SEZ6L: variants seen among roughly 807,000 people sequenced by gnomAD.
SEZ6L encodes seizure related 6 homolog like.
A neutral mutation model predicts 106.2 loss-of-function variants in SEZ6L; 37 were observed. That is an observed-to-expected ratio of 0.35 (90% CI 0.27 to 0.46). The LOEUF (loss-of-function observed/expected upper bound fraction) is 0.46, where lower values mean the gene tolerates loss of function less well. Among genes scored for constraint, SEZ6L ranks in the 20% least tolerant of loss-of-function variants. SEZ6L has a pLI of 1.00. For synonymous variants in SEZ6L, 541 were observed against 570.4 expected (o/e 0.95, Z 0.73); for missense variants, 1,172 against 1,332.8 (o/e 0.88, Z 1.88).
chr22:26,282,852 G>C lies in SEZ6L; in HGVS notation c.95-9554G>C, dbSNP rs963434859. ...AGGGTAAATAGGTTCAGATTATTCTGAAGGTGATTTTTTTTCTATGTCAAT... is the reference window on the plus strand; with the variant it reads ...AGGGTAAATAGGTTCAGATTATTCTCAAGGTGATTTTTTTTCTATGTCAAT... On this transcript the variant is annotated intron_variant, in intron 1 of 16. Coordinates refer to ENST00000248933, the MANE Select transcript of SEZ6L (RefSeq NM_021115.5). Among the ~76,000 whole-genome samples the C allele has an allele frequency of 2.0e-5, 3 of 152,172 alleles. No homozygotes were observed. The East Asian group carries it at 5.8e-4, about 29-fold the overall frequency.
At chr22:26,269,225 G>A (rs991410391) in intron 1 of SEZ6L, among the ~76,000 whole-genome samples, 3 of 152,168 alleles carry the variant, frequency 2.0e-5, no homozygotes, top group African/African-American at 7.2e-5. Flanking sequence ...GGAGTCCTTG[G>A]TAAGTGTGCG....
chr22:26,336,366 C>T (rs1229873888), intron 9 of SEZ6L, among the ~76,000 whole-genome samples: 9 of 152,174 alleles, frequency 5.9e-5, no homozygotes, highest in Non-Finnish European at 1.2e-4. Flanking sequence ...GTGAAACCTG[C>T]TCATCAATCC....
Position 26,350,948 on chromosome 22 carries a change from A to G in SEZ6L, c.2408-104A>G, listed in dbSNP as rs556568627. ...TGGGACTACAGGCGTGAGCCACCGC[A>G]CCCGGCCAAGTTAGGAAACTTTCTA... On this transcript the variant is annotated intron_variant, in intron 11 of 16. Transcript: ENST00000248933. 1,515 of 1,255,974 alleles carry G rather than the reference A, an allele frequency of 1.2e-3. 4 individuals carry two copies. The highest frequency in any genetic ancestry group is 1.4e-3 in the Non-Finnish European group (1,306 of 907,962). 77.8% of individuals were successfully genotyped at this position (1,255,974 alleles called of 1,614,324 possible). A position where few individuals can be genotyped will look rare whatever the true frequency, so the allele number is the denominator to read the frequency against.
intron 9 of SEZ6L, among the ~76,000 whole-genome samples, chr22:26,339,141 G>T (rs2082744406): frequency 6.6e-6 from 1 of 151,906 alleles, no homozygotes; most frequent in Non-Finnish European, 1.5e-5. Context: ...TCCTTACTTT[G>T]GTTATAACTC....
At chr22:26,285,335 CTTT>C (rs1169939779) in intron 1 of SEZ6L, among the ~76,000 whole-genome samples, 2 of 152,180 alleles carry the variant, frequency 1.3e-5, no homozygotes, top group East Asian at 3.8e-4. Context: ...AATCCAACTT[CTTT>C]ATTTATAAAA....
intron 1 of SEZ6L, among the ~76,000 whole-genome samples, chr22:26,254,281 T>A (rs779062779): frequency 3.3e-5 from 5 of 151,998 alleles, no homozygotes; most frequent in Non-Finnish European, 7.3e-5. Flanking sequence ...TGGATTCAAC[T>A]GTAGCAAAAG....
intron 14 of SEZ6L, among the ~76,000 whole-genome samples, chr22:26,374,885 C>T (rs986490120): frequency 2.0e-5 from 3 of 152,172 alleles, no homozygotes; most frequent in African/African-American, 7.2e-5. Flanking sequence ...GGGAAATGTG[C>T]AGGAGTAGCC....
At chr22:26,210,412 ATT>A (rs150536035) in intron 1 of SEZ6L, among the ~76,000 whole-genome samples, 2,107 of 152,348 alleles carry the variant, frequency 0.014, 45 homozygotes, top group African/African-American at 0.047. Flanking sequence ...AGGACAGAAC[ATT>A]AGGTTTTTCT....
rs536034029 is a variant in SEZ6L at position 26,377,972 on chromosome 22, G to A, written c.3045+197G>A. ...TTTGCAGGTGATTGGTGCTGAGGAC[G>A]AGCCTAGGAGGCTGATTACTGTCAG... On this transcript the variant is annotated intron_variant, in intron 16 of 16. Coordinates refer to ENST00000248933, the MANE Select transcript of SEZ6L (RefSeq NM_021115.5). Among the ~76,000 whole-genome samples the A allele has an allele frequency of 5.3e-5, 8 of 152,144 alleles. No individual in the cohort carries two copies. The East Asian group carries it at 1.2e-3, about 22-fold the overall frequency.
intron 11 of SEZ6L, among the ~76,000 whole-genome samples, chr22:26,348,565 G>GGAAAGAAAGAAAGAAA (rs1235470776): frequency 5.8e-5 from 2 of 34,690 alleles, no homozygotes; most frequent in African/African-American, 2.5e-4. Context: ...AAGGAAGGGA[G>GGAAAGAAAGAAAGAAA]GAAAGAAAGA....
At chr22:26,238,028 A>T (rs1318364077) in intron 1 of SEZ6L, among the ~76,000 whole-genome samples, 3 of 152,142 alleles carry the variant, frequency 2.0e-5, no homozygotes, top group Admixed American at 1.3e-4. Context: ...GAGCTGTGGA[A>T]CCCAAGTTCC....
At chr22:26,212,424 T>TA (rs964881178) in intron 1 of SEZ6L, among the ~76,000 whole-genome samples, 43 of 152,188 alleles carry the variant, frequency 2.8e-4, no homozygotes, top group African/African-American at 8.7e-4. Context: ...AGGACTTTTT[T>TA]AAAAAAATTT....
intron 12 of SEZ6L, among the ~76,000 whole-genome samples, chr22:26,360,820 CACTGCTTCAT>C (rs965971767): frequency 4.6e-5 from 7 of 151,906 alleles, no homozygotes; most frequent in African/African-American, 1.7e-4. Context: ...TTCTCTAATT[CACTGCTTCAT>C]ACCCAGCTCC....
chr22:26,245,237 A>G (rs1336042152), intron 1 of SEZ6L, among the ~76,000 whole-genome samples: 1 of 152,130 alleles, frequency 6.6e-6, no homozygotes, highest in Non-Finnish European at 1.5e-5. Context: ...CAAGGTAGCT[A>G]TGCAAATTCC....
chr22:26,328,204 C>G (rs1193835271), intron 9 of SEZ6L, among the ~76,000 whole-genome samples: 1 of 152,172 alleles, frequency 6.6e-6, no homozygotes, highest in African/African-American at 2.4e-5. Context: ...AGTCACAGGT[C>G]AGAAAGGTGG....
chr22:26,209,632 G>T (rs2145698268), intron 1 of SEZ6L, among the ~76,000 whole-genome samples: 1 of 150,348 alleles, frequency 6.7e-6, no homozygotes, highest in Admixed American at 6.6e-5. Flanking sequence ...AAGAAAGGAA[G>T]AAGTAAGGTA....
intron 1 of SEZ6L, among the ~76,000 whole-genome samples, chr22:26,264,986 G>A (rs977359568): frequency 3.3e-5 from 5 of 152,096 alleles, no homozygotes; most frequent in Non-Finnish European, 7.3e-5. Context: ...TGCAGGCTAC[G>A]GTGCATTCAT....
At chr22:26,304,294 G>A (rs138668514) in intron 5 of SEZ6L, among the ~76,000 whole-genome samples, 1,755 of 151,218 alleles carry the variant, frequency 0.012, 43 homozygotes, top group African/African-American at 0.04. Context: ...AGAGGTTGCA[G>A]TGAGCTGAGA....
intron 9 of SEZ6L, among the ~76,000 whole-genome samples, chr22:26,326,547 G>C (rs4822702): frequency 1.3e-5 from 2 of 152,070 alleles, no homozygotes; most frequent in Admixed American, 6.6e-5. Context: ...AGAGTCACAC[G>C]ATTTGTTCTC....
Sources: gnomAD v4.1 joint callset for allele counts (sites outside exome capture counted in the v4.1 genomes callset) on GRCh38, gnomAD v4.1.1 for gene constraint, MANE v1.5 for transcripts, NCBI Gene and HGNC (gene_info 2026-07-23, HGNC 2026-07-21) for gene names.